The following ATP5F1E variants were observed in gnomAD, a reference collection of about 807,000 sequenced individuals.
The protein encoded by ATP5F1E is ATP synthase F(1) complex subunit epsilon, mitochondrial.
Under a neutral mutation model 7.0 loss-of-function variants are expected in ATP5F1E, and 5 were observed. The observed-to-expected ratio is 0.71, with a 90% CI of 0.37 to 1.49. The LOEUF (loss-of-function observed/expected upper bound fraction) is 1.49. Ranked by LOEUF, ATP5F1E falls within the 40% of genes most tolerant of loss-of-function variation. ATP5F1E has a pLI of 0.03. For synonymous variants in ATP5F1E, 20 were observed against 20.1 expected (o/e 0.99, Z 0.02); for missense variants, 59 against 57.1 (o/e 1.03, Z -0.11).
rs1422424634 is a variant in ATP5F1E, at chr20:59,025,566, T to C, written c.*3279A>G. 1 of 152,258 alleles carries C rather than the reference T, an allele frequency of 6.6e-6. No individual in the cohort carries two copies. Among genetic ancestry groups the C allele is most frequent in the Non-Finnish European group, 1.5e-5 (1 of 68,054 alleles). The allele number at this position is 152,258 out of a possible 1,614,324, so 9.4% of individuals were successfully genotyped here. A position where few individuals can be genotyped will look rare whatever the true frequency, so the allele number is the denominator to read the frequency against. Reference sequence around the variant, plus strand: ...TCTTACTACTGTTAGATCCCAGGAATTCATTAATAATCATCCTTGGCTTTC... The same window carrying C: ...TCTTACTACTGTTAGATCCCAGGAACTCATTAATAATCATCCTTGGCTTTC... On this transcript the variant is annotated 3_prime_UTR_variant, in exon 3 of 3. Transcript: ENST00000243997.
At chr20:59,030,789 T>C (rs1024389090) in intron 1 of ATP5F1E, among the ~76,000 whole-genome samples, 2 of 152,244 alleles carry the variant, frequency 1.3e-5, no homozygotes, top group Non-Finnish European at 2.9e-5. Flanking sequence ...ACATGAATCA[T>C]GAATTCTCTC....
chr20:59,030,227 C>T, intron 2 of ATP5F1E, 76 bp downstream of exon 2: 1 of 1,578,100 alleles, frequency 6.3e-7, no homozygotes, highest in Non-Finnish European at 8.6e-7. Flanking sequence ...GAACCCAAAA[C>T]TAAAATTATT....
In ATP5F1E at chr20:59,025,517, A is replaced by T. The variant is rs1222075092; in HGVS notation, c.*3328T>A. On this transcript the variant is annotated 3_prime_UTR_variant, in exon 3 of 3. Transcript: ENST00000243997. ...TATTTCTGAAGAGCTAGCCTTTAAC[A>T]TATATGTTTATATAGTTTAAATTTC... 1 of 152,364 alleles carries T rather than the reference A, an allele frequency of 6.6e-6. No individual in the cohort carries two copies. 9.4% of individuals were successfully genotyped at this position (152,364 alleles called of 1,614,324 possible). A position where few individuals can be genotyped will look rare whatever the true frequency, so the allele number is the denominator to read the frequency against.
chr20:59,027,471 A>C lies in ATP5F1E; in HGVS notation c.*1374T>G, dbSNP rs1400774305. On this transcript the variant is annotated 3_prime_UTR_variant, in exon 3 of 3. Transcript: ENST00000243997. ...CATCTGCCTCCTTAATAAATGACTT[A>C]TCTCTAATTACTTGACTGGAAATCA... 5 of 152,196 alleles carry C rather than the reference A, an allele frequency of 3.3e-5. No individual in the cohort carries two copies. Among genetic ancestry groups the C allele is most frequent in the East Asian group, 1.9e-4 (1 of 5,204 alleles). 9.4% of individuals were successfully genotyped at this position (152,196 alleles called of 1,614,324 possible).
In ATP5F1E at chr20:59,032,240, G is replaced by T. The variant is rs770993875; in HGVS notation, c.12C>A (p.Tyr4Ter). The change falls in exon 1 of 3, where the codon TAC becomes TAA. Residue 4 changes from tyrosine to a stop codon, truncating the protein, a stop_gained. Coordinates refer to ENST00000243997, the MANE Select transcript of ATP5F1E (RefSeq NM_006886.4). LOFTEE classifies it high-confidence loss of function. MVA[Y>*]WRQAGLSYIR... ...CCTACCTGAGTCCAGCCTGTCTCCA[G>T]TAGGCCACCATGCTGTAGCGAAAGC... is the stretch of plus-strand genomic sequence containing the variant. 6.3e-7 allele frequency: 1 copy of T among 1,599,792 alleles called. No homozygotes were observed. The highest frequency in any genetic ancestry group is 2.3e-5 in the East Asian group (1 of 44,440).
chr20:59,032,267 G>T lies in ATP5F1E; in HGVS notation c.-16C>A, dbSNP rs888664651. 6.3e-7 allele frequency: 1 copy of T among 1,599,382 alleles called. No homozygotes were observed. The highest frequency in any genetic ancestry group is 1.1e-5 in the South Asian group (1 of 88,676). On this transcript the variant is annotated 5_prime_UTR_variant, in exon 1 of 3. Coordinates refer to ENST00000243997, the MANE Select transcript of ATP5F1E (RefSeq NM_006886.4). ...AGGCCACCATGCTGTAGCGAAAGCG[G>T]AGCTCGTCGGGCCGAATCGCCAAGA...
At chr20:59,029,879 G>A (rs2092014870) in intron 2 of ATP5F1E, 1 of 243,780 alleles carries the variant, frequency 4.1e-6, no homozygotes, top group Non-Finnish European at 8.1e-6. Context: ...TGATTTGTGA[G>A]AACATTAGTG....
At chr20:59,032,085 TGGC>T (rs1321046849) in intron 1 of ATP5F1E, 132 bp downstream of exon 1, 2 of 1,265,536 alleles carry the variant, frequency 1.6e-6, no homozygotes, top group Non-Finnish European at 2.2e-6. Flanking sequence ...GACGCCATCT[TGGC>T]GGCGACGCCC....
chr20:59,031,977 T>G (rs1266294414), intron 1 of ATP5F1E, among the ~76,000 whole-genome samples: 2 of 152,250 alleles, frequency 1.3e-5, no homozygotes, highest in Non-Finnish European at 2.9e-5. Context: ...AGGGGCACTC[T>G]GTGGGTGCTG....
chr20:59,031,825 T>A lies in ATP5F1E; in HGVS notation c.32+395A>T, dbSNP rs375611524. On this transcript the variant is annotated intron_variant, in intron 1 of 2. Transcript: ENST00000243997. ...GTCAAAGCTGCTAACGGCGGTCACG[T>A]GGAGAGAAATCTCCTGTTTCCCGAG... Among the ~76,000 whole-genome samples, 57 of 152,382 alleles carry A rather than the reference T, an allele frequency of 3.7e-4. No homozygotes were observed. The South Asian group carries it at 0.011, about 30-fold the overall frequency.
intron 2 of ATP5F1E, chr20:59,029,102 G>T (rs2092009776): frequency 6.6e-6 from 1 of 152,192 alleles, no homozygotes; most frequent in Non-Finnish European, 1.5e-5. Context: ...ATCTCCTTGT[G>T]CTAATGAGGT....
chr20:59,025,915 A>C lies in ATP5F1E; in HGVS notation c.*2930T>G, dbSNP rs1451175781. 1 of 152,270 alleles carries C rather than the reference A, an allele frequency of 6.6e-6. No individual in the cohort carries two copies. Among genetic ancestry groups the C allele is most frequent in the Non-Finnish European group, 1.5e-5 (1 of 68,052 alleles). 9.4% of individuals were successfully genotyped at this position (152,270 alleles called of 1,614,324 possible). On this transcript the variant is annotated 3_prime_UTR_variant, in exon 3 of 3. Coordinates refer to ENST00000243997, the MANE Select transcript of ATP5F1E (RefSeq NM_006886.4). ...ACAAGAGCGTAATCAAATCATCTGT[A>C]ACTTCTTAATTACAGTTTACCTATT...
chr20:59,029,282 C>A (rs1389679339), intron 2 of ATP5F1E: 1 of 152,134 alleles, frequency 6.6e-6, no homozygotes, highest in East Asian at 1.9e-4. Context: ...ACTGTTAAAA[C>A]AAAACAACCC....
intron 2 of ATP5F1E, chr20:59,029,815 G>T (rs1391138970): frequency 5.7e-6 from 1 of 176,162 alleles, no homozygotes; most frequent in Non-Finnish European, 1.2e-5. Context: ...TTTATTGCTT[G>T]ATACAACAGC....
rs371578732 is a variant in ATP5F1E at position 59,032,302 on chromosome 20, T to C, written c.-51A>G. On this transcript the variant is annotated 5_prime_UTR_variant, in exon 1 of 3. Transcript: ENST00000243997. The stretch of plus-strand genomic sequence containing the variant: ...GGCCGAATCGCCAAGACGCCGGCAA[T>C]GTCGGCTCAGCCGGGCGGTTCAGCC... 3.1e-5 allele frequency: 49 copies of C among 1,581,478 alleles called. No homozygotes were observed. Among genetic ancestry groups the C allele is most frequent in the African/African-American group, 6.7e-5 (5 of 74,634 alleles).
At chr20:59,030,133 G>A in intron 2 of ATP5F1E, 170 bp downstream of exon 2, 1 of 747,490 alleles carries the variant, frequency 1.3e-6, no homozygotes. Flanking sequence ...TTTTTATTAG[G>A]CCAGGGGACT....
At chr20:59,032,183 G>A (rs757098197) in intron 1 of ATP5F1E, 37 bp downstream of exon 1, 4 of 1,555,556 alleles carry the variant, frequency 2.6e-6, no homozygotes, top group African/African-American at 1.4e-5. Context: ...GCGCGGGCCG[G>A]CTCGCGAAGC....
chr20:59,031,122 G>T (rs1018770789), intron 1 of ATP5F1E, among the ~76,000 whole-genome samples: 1 of 152,156 alleles, frequency 6.6e-6, no homozygotes, highest in Non-Finnish European at 1.5e-5. Context: ...AACAGGAAGC[G>T]GGGAGGGGTG....
chr20:59,027,705 TGTTTTCCAGAG>T lies in ATP5F1E; in HGVS notation c.*1129_*1139del, dbSNP rs1031278165. On this transcript the variant is annotated 3_prime_UTR_variant, in exon 3 of 3. Transcript: ENST00000243997. ...AGGACTCCAAGGGCTCCTAACCTGC[TGTTTTCCAGAG>T]GCACCCTCTTCCACTCAATTGGCTC... The T allele has an allele frequency of 6.6e-6, 1 of 152,234 alleles. No individual in the cohort carries two copies. Among genetic ancestry groups the T allele is most frequent in the Non-Finnish European group, 1.5e-5 (1 of 68,076 alleles). The allele number at this position is 152,234 out of a possible 1,614,324, so 9.4% of individuals were successfully genotyped here.
Sources: allele counts gnomAD v4.1 joint callset (sites outside exome capture counted in the v4.1 genomes callset), GRCh38; gene constraint gnomAD v4.1.1; transcripts MANE v1.5; gene names NCBI Gene and HGNC (gene_info 2026-07-23, HGNC 2026-07-21).